PTPRD: variants seen among roughly 807,000 people sequenced by gnomAD.
PTPRD encodes protein tyrosine phosphatase receptor type D.
PTPRD carries 34 observed loss-of-function variants against 214.5 expected under a neutral mutation model. The observed-to-expected ratio is 0.16, with a 90% CI of 0.12 to 0.21. The LOEUF is 0.21. Among genes scored for constraint, PTPRD ranks in the 10% least tolerant of loss-of-function variants. The probability of loss-of-function intolerance (pLI) is 1.00; values close to 1 mark genes in which losing one functional copy is unlikely to be tolerated. For missense variants in PTPRD, 2,545 were observed against 2,398.7 expected, an observed-to-expected ratio of 1.06 and a Z score of -1.27; for synonymous variants, 1,128 against 845.7, an observed-to-expected ratio of 1.33 and a Z score of -5.79.
Position 10,354,058 on chromosome 9 carries a change from C to A in PTPRD, c.-599-13041G>T, listed in dbSNP as rs118191032. ...GGAATATTATCAATAAAATTTAAAT[C>A]CACTGTATTGCACTTCCAAAATACA... On this transcript the variant is annotated intron_variant, in intron 2 of 45. Transcript: ENST00000381196. Among the ~76,000 whole-genome samples, 3 of 151,966 alleles carry A rather than the reference C, an allele frequency of 2.0e-5. 1 individual carries two copies. Among genetic ancestry groups the A allele is most frequent in the Non-Finnish European group, 4.4e-5 (3 of 67,900 alleles).
At chr9:10,388,410 C>T (rs1044797627) in intron 2 of PTPRD, among the ~76,000 whole-genome samples, 4 of 147,766 alleles carry the variant, frequency 2.7e-5, no homozygotes, top group Non-Finnish European at 5.9e-5. Flanking sequence ...TCTGTCAACT[C>T]AAGGAGAGGC....
chr9:9,576,609 G>A (rs2088910560), intron 7 of PTPRD, among the ~76,000 whole-genome samples: 1 of 152,076 alleles, frequency 6.6e-6, no homozygotes, highest in Non-Finnish European at 1.5e-5. Flanking sequence ...TTATCTAGAG[G>A]TGCAGCAAAT....
chr9:8,795,715 T>C (rs2096395416), intron 11 of PTPRD, among the ~76,000 whole-genome samples: 1 of 152,170 alleles, frequency 6.6e-6, no homozygotes, highest in African/African-American at 2.4e-5. Context: ...ATTTTAGAGT[T>C]AGAAAATTAT....
At chr9:10,428,618 G>T (rs1295844099) in intron 2 of PTPRD, among the ~76,000 whole-genome samples, 1 of 152,034 alleles carries the variant, frequency 6.6e-6, no homozygotes, top group Non-Finnish European at 1.5e-5. Context: ...TATAGGTTCA[G>T]AGAGGATGTT....
intron 11 of PTPRD, among the ~76,000 whole-genome samples, chr9:8,840,009 A>C (rs2097527937): frequency 1.3e-5 from 2 of 152,338 alleles, no homozygotes; most frequent in South Asian, 4.1e-4. Context: ...ATTATGAGCA[A>C]AAGGACTATA....
At chr9:10,054,034 C>T (rs187677839) in intron 3 of PTPRD, among the ~76,000 whole-genome samples, 2 of 152,260 alleles carry the variant, frequency 1.3e-5, no homozygotes, top group East Asian at 1.9e-4. Context: ...ACTGGGATTA[C>T]AGGCATGAGC....
At chr9:9,899,457 A>G (rs766461559) in intron 5 of PTPRD, among the ~76,000 whole-genome samples, 2 of 152,138 alleles carry the variant, frequency 1.3e-5, no homozygotes, top group Non-Finnish European at 1.5e-5. Context: ...AAAGTTCAAT[A>G]ACACAATTCA....
At chr9:8,526,270 G>GAAAAAAAAAAAGAAAAAAGAAA (rs2074106163) in intron 17 of PTPRD, among the ~76,000 whole-genome samples, 1 of 86,960 alleles carries the variant, frequency 1.1e-5, no homozygotes. Context: ...GGAAAAAGAA[G>GAAAAAAAAAAAGAAAAAAGAAA]AAAAAAAAAA....
At chr9:9,745,140 G>T (rs2098444645) in intron 6 of PTPRD, among the ~76,000 whole-genome samples, 1 of 151,920 alleles carries the variant, frequency 6.6e-6, no homozygotes, top group African/African-American at 2.4e-5. Flanking sequence ...TTAACCAGAA[G>T]AAAAAACTCA....
intron 3 of PTPRD, among the ~76,000 whole-genome samples, chr9:10,228,559 C>A (rs2099596885): frequency 6.6e-6 from 1 of 151,732 alleles, no homozygotes; most frequent in Non-Finnish European, 1.5e-5. Context: ...TGGAGCTACC[C>A]CTAGAGCACA....
chr9:10,065,734 T>C (rs973329643), intron 3 of PTPRD, among the ~76,000 whole-genome samples: 1 of 151,874 alleles, frequency 6.6e-6, no homozygotes, highest in Non-Finnish European at 1.5e-5. Context: ...CAAAGCAAGG[T>C]AGTAGCCCTG....
chr9:9,822,668 T>A (rs1319892887), intron 5 of PTPRD, among the ~76,000 whole-genome samples: 1 of 151,922 alleles, frequency 6.6e-6, no homozygotes, highest in African/African-American at 2.4e-5. Flanking sequence ...AGTCAAAACA[T>A]ATCTTCATAA....
chr9:9,474,445 A>G (rs1054025569), intron 8 of PTPRD, among the ~76,000 whole-genome samples: 2 of 152,058 alleles, frequency 1.3e-5, no homozygotes, highest in African/African-American at 2.4e-5. Context: ...GGTCCCATAT[A>G]TATTTTAGAA....
chr9:8,636,515 C>G lies in PTPRD; in HGVS notation c.210+184G>C, dbSNP rs149960741. 1.6e-3 allele frequency among the ~76,000 whole-genome samples: 240 copies of G among 152,236 alleles called. 3 individuals are homozygous for G. The highest frequency in any genetic ancestry group is 5.7e-3 in the African/African-American group (238 of 41,548). ...GCACAAGTAGAAACAAAAATCAGCC[C>G]TTGAACCCCCAAATTTCCTTTTTTA... On this transcript the variant is annotated intron_variant, in intron 13 of 45. Coordinates refer to ENST00000381196, the MANE Select transcript of PTPRD (RefSeq NM_002839.4).
intron 14 of PTPRD, among the ~76,000 whole-genome samples, chr9:8,600,403 C>A (rs1043537437): frequency 6.6e-6 from 1 of 152,100 alleles, no homozygotes; most frequent in Non-Finnish European, 1.5e-5. Flanking sequence ...ACTGGAGGGG[C>A]ATGTAACCTA....
At chr9:9,960,222 GAA>G (rs35855733) in intron 4 of PTPRD, among the ~76,000 whole-genome samples, 16,010 of 124,196 alleles carry the variant, frequency 0.13, 1,457 homozygotes, top group East Asian at 0.41. Context: ...ATGAAAATTT[GAA>G]AAAAAAAAAA....
At chr9:9,953,582 C>A (rs1018334558) in intron 4 of PTPRD, among the ~76,000 whole-genome samples, 23 of 151,894 alleles carry the variant, frequency 1.5e-4, no homozygotes, top group Admixed American at 1.4e-3. Flanking sequence ...CAATGATAAG[C>A]TACCATAACA....
In PTPRD at chr9:9,529,204, T is replaced by C. The variant is rs1316335732; in HGVS notation, c.-237+45528A>G. 1.1e-4 allele frequency among the ~76,000 whole-genome samples: 16 copies of C among 151,662 alleles called. No individual in the cohort carries two copies. In the East Asian group the frequency reaches 3.1e-3, roughly 30 times the overall value. ...GCCTTGGCCTCCCAAAGTGCTGGAA[T>C]TACAGGCGTGAGCCACCACGCCCAC... On this transcript the variant is annotated intron_variant, in intron 8 of 45. Transcript: ENST00000381196.
intron 2 of PTPRD, among the ~76,000 whole-genome samples, chr9:10,403,227 A>AATATATATATATATATACATATAT (rs1266130908): frequency 1.8e-4 from 11 of 59,882 alleles, no homozygotes; most frequent in Non-Finnish European, 3.5e-4. Flanking sequence ...TGTGTGTGTA[A>AATATATATATATATATACATATAT]ATATATATAT....
Sources: gnomAD v4.1 joint callset for allele counts (sites outside exome capture counted in the v4.1 genomes callset) on GRCh38, gnomAD v4.1.1 for gene constraint, MANE v1.5 for transcripts, NCBI Gene and HGNC (gene_info 2026-07-23, HGNC 2026-07-21) for gene names.